The following CD3E variants were observed in gnomAD, a reference collection of about 807,000 sequenced individuals.
CD3E encodes CD3 epsilon subunit of T-cell receptor complex.
In CD3E, 16 loss-of-function variants were observed where a neutral mutation model predicts 34.7. The ratio of observed to expected loss-of-function variants is 0.46; its 90% confidence interval spans 0.31 to 0.70. The LOEUF (loss-of-function observed/expected upper bound fraction) is 0.70. Among genes scored for constraint, CD3E ranks in the 30% least tolerant of loss-of-function variants. The probability of loss-of-function intolerance (pLI) is 0.05; values close to 1 mark genes in which losing one functional copy is unlikely to be tolerated. For synonymous variants in CD3E, 70 were observed against 90.8 expected, an observed-to-expected ratio of 0.77 and a Z score of 1.30; for missense variants, 223 against 253.9, an observed-to-expected ratio of 0.88 and a Z score of 0.83.
intron 8 of CD3E, 43 bp downstream of exon 8, chr11:118,314,537 C>G: frequency 6.3e-7 from 1 of 1,577,520 alleles, no homozygotes; most frequent in Non-Finnish European, 8.7e-7. Flanking sequence ...GAGGGGATGT[C>G]CCTCCAGGGG....
At chr11:118,315,223 G>A (rs1948159887) in intron 8 of CD3E, among the ~76,000 whole-genome samples, 1 of 152,120 alleles carries the variant, frequency 6.6e-6, no homozygotes, top group African/African-American at 2.4e-5. Flanking sequence ...ATTTACTTTA[G>A]CTTAAGCGAA....
At chr11:118,313,153 C>CA (rs1430199248) in intron 6 of CD3E, 1 of 465,316 alleles carries the variant, frequency 2.1e-6, no homozygotes, top group Non-Finnish European at 3.9e-6. Flanking sequence ...CACCCAGGTT[C>CA]ATAGCACACC....
intron 6 of CD3E, chr11:118,313,457 C>T (rs1948147263): frequency 1.1e-5 from 6 of 522,304 alleles, no homozygotes; most frequent in East Asian, 1.1e-4. Flanking sequence ...ACACATTTCA[C>T]GCTTCTCACA....
At chr11:118,305,744 G>C (rs1420482637) in intron 2 of CD3E, among the ~76,000 whole-genome samples, 3 of 152,214 alleles carry the variant, frequency 2.0e-5, no homozygotes, top group African/African-American at 7.2e-5. Flanking sequence ...ACTCAAAAAA[G>C]TTAAATAACT....
At chr11:118,306,486 G>GATAAATAAATAAATAA (rs141298357) in intron 2 of CD3E, among the ~76,000 whole-genome samples, 11 of 145,514 alleles carry the variant, frequency 7.6e-5, no homozygotes, top group Admixed American at 2.7e-4. Context: ...TCTCAAAATA[G>GATAAATAAATAAATAA]ATAAATAAAT....
At chr11:118,306,196 AAGG>A (rs1052813346) in intron 2 of CD3E, among the ~76,000 whole-genome samples, 25 of 151,906 alleles carry the variant, frequency 1.6e-4, no homozygotes, top group African/African-American at 5.8e-4. Context: ...AAAAAAGAAG[AAGG>A]AGGAGGAGGA....
At chr11:118,313,357 C>A in intron 6 of CD3E, 1 of 384,982 alleles carries the variant, frequency 2.6e-6, no homozygotes, top group Non-Finnish European at 4.9e-6. Flanking sequence ...GATTCTTTTT[C>A]ATGTAATCCT....
Position 118,315,591 on chromosome 11 carries a change from C to G in CD3E, c.*49C>G, listed in dbSNP as rs767177871. On this transcript the variant is annotated 3_prime_UTR_variant, in exon 9 of 9. Transcript: ENST00000361763. ...GCTGGCCCAGGTCTCCTCTCCAGTC[C>G]CCCTGCGACTCCCTGTTTCCTGGGC... 5 of 1,437,926 alleles carry G rather than the reference C, an allele frequency of 3.5e-6. No homozygotes were observed. The highest frequency in any genetic ancestry group is 4.8e-6 in the Non-Finnish European group (5 of 1,035,004). 89.1% of individuals were successfully genotyped at this position (1,437,926 alleles called of 1,614,324 possible).
intron 2 of CD3E, 72 bp downstream of exon 2, chr11:118,305,073 G>A: frequency 7.5e-7 from 1 of 1,325,384 alleles, no homozygotes; most frequent in Non-Finnish European, 1.1e-6. Context: ...ACCTGGCACT[G>A]CCTAGTGGCA....
At chr11:118,309,881 G>T (rs1565510698) in intron 4 of CD3E, among the ~76,000 whole-genome samples, 1 of 152,228 alleles carries the variant, frequency 6.6e-6, no homozygotes, top group Non-Finnish European at 1.5e-5. Context: ...ACTTTGGGAG[G>T]CCAAGGCAGG....
At chr11:118,309,103 G>A (rs553414440) in intron 4 of CD3E, among the ~76,000 whole-genome samples, 1 of 152,314 alleles carries the variant, frequency 6.6e-6, no homozygotes, top group South Asian at 2.1e-4. Context: ...AGATCAGAAT[G>A]TTTGAATCTT....
chr11:118,314,584 A>G lies in CD3E; in HGVS notation c.567+90A>G, dbSNP rs1007951882. ...GATGGGATGGCCCATCTTGTCTGCC[A>G]GATGCCTCAAAGCCCCTCACTCAGG... is the stretch of plus-strand genomic sequence containing the variant. On this transcript the variant is annotated intron_variant, in intron 8 of 8. Coordinates refer to ENST00000361763, the MANE Select transcript of CD3E (RefSeq NM_000733.4). 1.3e-5 allele frequency: 16 copies of G among 1,206,356 alleles called. No individual in the cohort carries two copies. The South Asian group carries it at 1.9e-4, about 14-fold the overall frequency. The allele number at this position is 1,206,356 out of a possible 1,614,324, so 74.7% of individuals were successfully genotyped here.
At chr11:118,312,536 T>C in intron 5 of CD3E, 82 bp from the exon 6 acceptor site, 1 of 1,497,904 alleles carries the variant, frequency 6.7e-7, no homozygotes, top group Non-Finnish European at 9.3e-7. Context: ...ACTTCCTGCA[T>C]TTGGGTGGTT....
intron 4 of CD3E, among the ~76,000 whole-genome samples, chr11:118,308,807 T>C (rs1015646111): frequency 6.6e-6 from 1 of 152,238 alleles, no homozygotes; most frequent in African/African-American, 2.4e-5. Flanking sequence ...AACAAACATA[T>C]GAACACATTG....
intron 6 of CD3E, 43 bp from the exon 7 acceptor site, chr11:118,313,664 C>T: frequency 1.2e-6 from 2 of 1,600,624 alleles, no homozygotes; most frequent in Non-Finnish European, 1.7e-6. Flanking sequence ...CTTGTGTTTT[C>T]CTTGCTTAGT....
intron 5 of CD3E, 150 bp from the exon 6 acceptor site, chr11:118,312,468 C>T (rs753301714): frequency 1.4e-5 from 13 of 910,064 alleles, no homozygotes; most frequent in Non-Finnish European, 1.8e-5. Flanking sequence ...CTCTTCCACA[C>T]CCTCTAGCCA....
chr11:118,307,307 T>C lies in CD3E; in HGVS notation c.69T>C (p.Asp23=). The change falls in exon 3 of 9, where the codon GAT becomes GAC. Residue 23 remains aspartate (D), a splice_region_variant and synonymous_variant. Coordinates refer to ENST00000361763, the MANE Select transcript of CD3E (RefSeq NM_000733.4). ...CLLSVGVWGQ[D]GNEEMGGITQ... ...TTCTAGTTGGCGTTTGGGGGCAAGA[T>C]GGTGAGATATGCTTTCTTTCTTTCT... The C allele has an allele frequency of 1.9e-6, 3 of 1,606,176 alleles. No individual in the cohort carries two copies. The highest frequency in any genetic ancestry group is 2.6e-6 in the Non-Finnish European group (3 of 1,174,472).
chr11:118,311,905 T>C (rs1052047132), intron 4 of CD3E, among the ~76,000 whole-genome samples: 1 of 152,178 alleles, frequency 6.6e-6, no homozygotes, highest in Non-Finnish European at 1.5e-5. Context: ...ATCTAGGAGC[T>C]CATGCTGGTA....
intron 8 of CD3E, among the ~76,000 whole-genome samples, chr11:118,314,995 ACACAC>A (rs1948158356): frequency 7.1e-6 from 1 of 140,234 alleles, no homozygotes; most frequent in South Asian, 2.2e-4. Context: ...ACACACACAC[ACACAC>A]GTGACCAGAC....
Sources: allele counts gnomAD v4.1 joint callset (sites outside exome capture counted in the v4.1 genomes callset), GRCh38; gene constraint gnomAD v4.1.1; transcripts MANE v1.5; gene names NCBI Gene and HGNC (gene_info 2026-07-23, HGNC 2026-07-21).